The following CSMD1 variants were observed in gnomAD, a reference collection of about 807,000 sequenced individuals.
The protein encoded by CSMD1 is CUB and sushi domain-containing protein 1.
A neutral mutation model predicts 417.5 loss-of-function variants in CSMD1; 213 were observed. The ratio of observed to expected loss-of-function variants is 0.51; its 90% CI spans 0.46 to 0.57. The LOEUF is 0.57. Ranked by LOEUF, CSMD1 falls within the 20% of genes least tolerant of loss-of-function variation. The probability of loss-of-function intolerance (pLI) is 0.00; values close to 1 mark genes in which losing one functional copy is unlikely to be tolerated. For missense variants in CSMD1, 6,923 were observed against 4,529.7 expected (o/e 1.53, Z -15.17); for synonymous variants, 2,862 against 1,736.8 (o/e 1.65, Z -16.11).
intron 1 of CSMD1, among the ~76,000 whole-genome samples, chr8:4,752,772 T>C (rs117697740): frequency 0.011 from 1,604 of 152,222 alleles, 13 homozygotes; most frequent in East Asian, 0.053. Flanking sequence ...AAGTGAGGTA[T>C]TGCAGACTAA....
At chr8:3,360,534 A>G (rs950639635) in intron 20 of CSMD1, among the ~76,000 whole-genome samples, 1 of 152,194 alleles carries the variant, frequency 6.6e-6, no homozygotes. Flanking sequence ...GTCAGATAGT[A>G]TCAAACAGTC....
intron 5 of CSMD1, among the ~76,000 whole-genome samples, chr8:3,822,098 T>A (rs1465255770): frequency 6.6e-6 from 1 of 151,984 alleles, no homozygotes; most frequent in Non-Finnish European, 1.5e-5. Flanking sequence ...CTATGTTTTG[T>A]CTCCGATTTT....
At chr8:4,682,955 C>CAT (rs10566841) in intron 1 of CSMD1, among the ~76,000 whole-genome samples, 4,677 of 118,020 alleles carry the variant, frequency 0.04, 113 homozygotes, top group East Asian at 0.056. Flanking sequence ...TAAGTATCTT[C>CAT]ATATATATAT....
intron 1 of CSMD1, among the ~76,000 whole-genome samples, chr8:4,886,288 T>G (rs1327303812): frequency 6.6e-6 from 1 of 152,082 alleles, no homozygotes; most frequent in Non-Finnish European, 1.5e-5. Context: ...AGCTTCAACT[T>G]TGTCACTTTG....
At chr8:4,724,134 C>A (rs1271590463) in intron 1 of CSMD1, among the ~76,000 whole-genome samples, 2 of 152,100 alleles carry the variant, frequency 1.3e-5, no homozygotes, top group Non-Finnish European at 2.9e-5. Context: ...AACTAGACCT[C>A]CTCTTGCAAA....
At chr8:3,506,074 C>G (rs1262854629) in intron 10 of CSMD1, among the ~76,000 whole-genome samples, 1 of 152,140 alleles carries the variant, frequency 6.6e-6, no homozygotes, top group Non-Finnish European at 1.5e-5. Flanking sequence ...TGGGGTTGAG[C>G]CCTGGGGCTG....
intron 5 of CSMD1, among the ~76,000 whole-genome samples, chr8:3,870,576 G>T (rs1463454478): frequency 2.0e-5 from 3 of 152,204 alleles, no homozygotes; most frequent in African/African-American, 4.8e-5. Flanking sequence ...CCAACTATTT[G>T]TAACAGAGGA....
chr8:3,671,230 G>C (rs1055722999), intron 7 of CSMD1, among the ~76,000 whole-genome samples: 1 of 144,382 alleles, frequency 6.9e-6, no homozygotes, highest in Non-Finnish European at 1.5e-5. Context: ...GTATGTATAT[G>C]GGATATATAT....
At chr8:3,302,050 G>C (rs1563246702) in intron 25 of CSMD1, among the ~76,000 whole-genome samples, 1 of 152,042 alleles carries the variant, frequency 6.6e-6, no homozygotes, top group Admixed American at 6.6e-5. Flanking sequence ...TGGATATTGA[G>C]GGAGGAGAAA....
chr8:4,857,278 A>C (rs10100984), intron 1 of CSMD1, among the ~76,000 whole-genome samples: 1 of 140,198 alleles, frequency 7.1e-6, no homozygotes, highest in Non-Finnish European at 1.6e-5. Flanking sequence ...TGTGTAGAGG[A>C]AAATTTATAG....
chr8:4,197,857 C>G (rs1022571869), intron 3 of CSMD1, among the ~76,000 whole-genome samples: 1 of 152,110 alleles, frequency 6.6e-6, no homozygotes, highest in African/African-American at 2.4e-5. Flanking sequence ...CCAGCCTGGG[C>G]AACAGAGTAA....
intron 41 of CSMD1, among the ~76,000 whole-genome samples, 177 bp from the exon 42 acceptor site, chr8:3,118,764 A>C (rs1817016106): frequency 6.6e-6 from 1 of 152,264 alleles, no homozygotes; most frequent in Non-Finnish European, 1.5e-5. Context: ...TATTAGTAGT[A>C]GTAGAATCAT....
At chr8:4,018,891 T>C (rs1796651019) in intron 4 of CSMD1, among the ~76,000 whole-genome samples, 1 of 152,132 alleles carries the variant, frequency 6.6e-6, no homozygotes, top group African/African-American at 2.4e-5. Context: ...GATGATAATA[T>C]ATAACTTCTA....
At chr8:3,967,607 G>C (rs958815227) in intron 5 of CSMD1, among the ~76,000 whole-genome samples, 1 of 152,032 alleles carries the variant, frequency 6.6e-6, no homozygotes, top group Non-Finnish European at 1.5e-5. Context: ...GTTCACAACT[G>C]ATTTATTTTT....
At chr8:4,961,057 C>A (rs189449822) in intron 1 of CSMD1, among the ~76,000 whole-genome samples, 1 of 152,198 alleles carries the variant, frequency 6.6e-6, no homozygotes, top group East Asian at 1.9e-4. Flanking sequence ...ACGAAATAGT[C>A]ACTACACTTT....
At chr8:4,926,814 G>A (rs1388675522) in intron 1 of CSMD1, among the ~76,000 whole-genome samples, 1 of 151,952 alleles carries the variant, frequency 6.6e-6, no homozygotes, top group African/African-American at 2.4e-5. Flanking sequence ...TTTTGTGTTT[G>A]AATATCTACC....
At chr8:4,134,177 A>G (rs1462337096) in intron 3 of CSMD1, among the ~76,000 whole-genome samples, 2 of 152,174 alleles carry the variant, frequency 1.3e-5, no homozygotes, top group Admixed American at 6.5e-5. Flanking sequence ...TTGACTATTT[A>G]AAATTAAAGT....
At chr8:4,194,992 G>A (rs891476296) in intron 3 of CSMD1, among the ~76,000 whole-genome samples, 5 of 151,654 alleles carry the variant, frequency 3.3e-5, no homozygotes, top group African/African-American at 1.2e-4. Flanking sequence ...TCTTTCATCT[G>A]GGAATTTTCC....
intron 16 of CSMD1, 37 bp from the exon 17 acceptor site, chr8:3,396,418 GAA>G (rs1172480864): frequency 3.7e-5 from 53 of 1,444,710 alleles, no homozygotes; most frequent in Non-Finnish European, 4.9e-5. Flanking sequence ...AAGACATGCA[GAA>G]CTGCCAGCTT....
Sources: allele counts gnomAD v4.1 joint callset (sites outside exome capture counted in the v4.1 genomes callset), GRCh38; gene constraint gnomAD v4.1.1; transcripts MANE v1.5; gene names NCBI Gene and HGNC (gene_info 2026-07-23, HGNC 2026-07-21).